ASAP2: variants seen among roughly 807,000 people sequenced by gnomAD.
ASAP2 encodes the protein ArfGAP with SH3 domain, ankyrin repeat and PH domain 2, also known as arf-GAP with SH3 domain, ANK repeat and PH domain-containing protein 2.
A neutral mutation model predicts 131.4 loss-of-function variants in ASAP2; 45 were observed. The observed-to-expected ratio is 0.34, with a 90% CI of 0.27 to 0.44. ASAP2 has a LOEUF of 0.44. ASAP2 is among the 20% of genes least tolerant of loss of function. The pLI is 1.00. For missense variants in ASAP2, 1,011 were observed against 1,297.0 expected (o/e 0.78, Z 3.39); for synonymous variants, 510 against 503.0 (o/e 1.01, Z -0.19).
At chr2:9,220,847 G>C (rs966274185) in intron 1 of ASAP2, among the ~76,000 whole-genome samples, 1 of 152,004 alleles carries the variant, frequency 6.6e-6, no homozygotes. Flanking sequence ...TGTGAGGTAG[G>C]GGTCCAACTT....
Position 9,391,821 on chromosome 2 carries a change from G to A in ASAP2, c.2518+625G>A, listed in dbSNP as rs150888713. On this transcript the variant is annotated intron_variant, in intron 23 of 27. Transcript: ENST00000281419. ...CCTGGTCTCGAACTCCTGACCTCAG[G>A]TGATCCACCTGCCTCAGCCTCCCAG... Among the ~76,000 whole-genome samples the A allele has an allele frequency of 4.8e-3, 731 of 151,644 alleles. 9 individuals carry two copies. The highest frequency in any genetic ancestry group is 0.017 in the African/African-American group (699 of 41,260).
chr2:9,295,151 A>G (rs1463848193), intron 2 of ASAP2, among the ~76,000 whole-genome samples: 1 of 152,252 alleles, frequency 6.6e-6, no homozygotes, highest in Non-Finnish European at 1.5e-5. Context: ...AAATCTAAAA[A>G]TTAGATACTT....
In ASAP2 at chr2:9,281,033, G is replaced by A. The variant is rs1298211384; in HGVS notation, c.199+1644G>A. ...GTTTCAAAGCCACCATGCCTTCAGT[G>A]TGTCTGTCACACGGGTGACATCTTG... is the stretch of plus-strand genomic sequence containing the variant. On this transcript the variant is annotated intron_variant, in intron 2 of 27. Transcript: ENST00000281419. This position sits in a 1 kb window ranked among gnomAD's most constrained non-coding sequence, Gnocchi z 4.0. Among the ~76,000 whole-genome samples, 3 of 152,182 alleles carry A rather than the reference G, an allele frequency of 2.0e-5. No homozygotes were observed. Among genetic ancestry groups the A allele is most frequent in the Non-Finnish European group, 1.5e-5 (1 of 68,040 alleles).
At chr2:9,342,840 C>T (rs553188434) in intron 9 of ASAP2, among the ~76,000 whole-genome samples, 46 of 152,312 alleles carry the variant, frequency 3.0e-4, no homozygotes, top group Admixed American at 9.8e-4. Context: ...ACCACGTGAC[C>T]GTGACCTCCC....
chr2:9,248,204 A>ACCACGGAGG (rs1183032981), intron 1 of ASAP2, among the ~76,000 whole-genome samples: 6 of 152,196 alleles, frequency 3.9e-5, no homozygotes, highest in African/African-American at 1.4e-4. Flanking sequence ...TCCCACGCTA[A>ACCACGGAGG]CCACGGAGGC....
intron 1 of ASAP2, among the ~76,000 whole-genome samples, chr2:9,276,246 C>T (rs1666751599): frequency 6.6e-6 from 1 of 152,152 alleles, no homozygotes; most frequent in Non-Finnish European, 1.5e-5. Flanking sequence ...GTACCTGCCA[C>T]CCTATCGTGG....
At chr2:9,306,890 G>A (rs555895734) in intron 3 of ASAP2, among the ~76,000 whole-genome samples, 1 of 152,220 alleles carries the variant, frequency 6.6e-6, no homozygotes, top group South Asian at 2.1e-4. Flanking sequence ...GGCCCTGGCC[G>A]GACATCCACA....
At chr2:9,254,236 A>AAATATATATATATATAT (rs1553297024) in intron 1 of ASAP2, among the ~76,000 whole-genome samples, 1 of 47,110 alleles carries the variant, frequency 2.1e-5, no homozygotes, top group Non-Finnish European at 3.4e-5. Context: ...AAAAAAAAAA[A>AAATATATATATATATAT]ATATATATAT....
chr2:9,399,948 C>A, intron 24 of ASAP2, 75 bp from the exon 25 acceptor site: 1 of 1,463,746 alleles, frequency 6.8e-7, no homozygotes, highest in South Asian at 1.1e-5. Context: ...TCAGAAGGTT[C>A]TCTGATAAAA....
intron 3 of ASAP2, among the ~76,000 whole-genome samples, chr2:9,302,110 A>C (rs939459704): frequency 4.0e-5 from 5 of 123,634 alleles, no homozygotes; most frequent in Non-Finnish European, 4.9e-5. Context: ...GGCGTGAGCC[A>C]CCGCGCCCGG....
intron 9 of ASAP2, among the ~76,000 whole-genome samples, chr2:9,340,179 C>T (rs140091080): frequency 1.9e-3 from 285 of 152,302 alleles, no homozygotes; most frequent in African/African-American, 6.5e-3. Flanking sequence ...CGCGCCACCA[C>T]GCCTGGCTAA....
At chr2:9,358,935 A>C in intron 15 of ASAP2, 46 bp downstream of exon 15, 1 of 1,566,998 alleles carries the variant, frequency 6.4e-7, no homozygotes, top group Non-Finnish European at 8.7e-7. Flanking sequence ...AATGAGCTGT[A>C]AGCTAAATTT....
rs527786164 is a variant in ASAP2 at position 9,326,203 on chromosome 2, A to T, written c.601-1623A>T. Among the ~76,000 whole-genome samples, 5 of 152,356 alleles carry T rather than the reference A, an allele frequency of 3.3e-5. No individual in the cohort carries two copies. In the South Asian group the frequency reaches 1.0e-3, roughly 32 times the overall value. ...CAAGACCAGCCTGGGCAACATGGTG[A>T]GACCTTGTCTCTACAAAAAAACAAA... On this transcript the variant is annotated intron_variant, in intron 6 of 27. Coordinates refer to ENST00000281419, the MANE Select transcript of ASAP2 (RefSeq NM_003887.3).
At chr2:9,337,051 G>A (rs749040749) in intron 9 of ASAP2, among the ~76,000 whole-genome samples, 10 of 152,242 alleles carry the variant, frequency 6.6e-5, no homozygotes, top group African/African-American at 1.7e-4. Context: ...TTACAGCTTC[G>A]CAGGAAAGTA....
intron 9 of ASAP2, among the ~76,000 whole-genome samples, chr2:9,343,332 G>A (rs978097860): frequency 1.3e-5 from 2 of 152,174 alleles, no homozygotes; most frequent in African/African-American, 4.8e-5. Context: ...GTGAACACTT[G>A]GTTCACATCT....
chr2:9,315,775 G>A (rs971583535), intron 3 of ASAP2, among the ~76,000 whole-genome samples: 4 of 152,128 alleles, frequency 2.6e-5, no homozygotes, highest in Non-Finnish European at 4.4e-5. Flanking sequence ...CTTAAACTGC[G>A]CTTTTCAGCA....
intron 1 of ASAP2, among the ~76,000 whole-genome samples, chr2:9,222,665 T>C (rs1412484459): frequency 6.6e-6 from 1 of 152,202 alleles, no homozygotes; most frequent in African/African-American, 2.4e-5. Flanking sequence ...TCAGAACCCG[T>C]AGCTTTGGTT....
At chr2:9,277,589 G>C (rs1666839499) in intron 1 of ASAP2, among the ~76,000 whole-genome samples, 1 of 152,086 alleles carries the variant, frequency 6.6e-6, no homozygotes, top group South Asian at 2.1e-4. Flanking sequence ...CAACAAAATT[G>C]AATGGAAAAT....
Position 9,207,011 on chromosome 2 carries a change from C to T in ASAP2, c.-94C>T, listed in dbSNP as rs1572155221. 9.2e-7 allele frequency: 1 copy of T among 1,085,982 alleles called. No homozygotes were observed. The highest frequency in any genetic ancestry group is 1.1e-6 in the Non-Finnish European group (1 of 890,768). 67.3% of individuals were successfully genotyped at this position (1,085,982 alleles called of 1,614,324 possible). ...TGTCCGCGGGCCGGAGCGGCGGCGG[C>T]AGCGGCGGTGTCCGAGCGGCGGTCG... On this transcript the variant is annotated 5_prime_UTR_variant, in exon 1 of 28. Coordinates refer to ENST00000281419, the MANE Select transcript of ASAP2 (RefSeq NM_003887.3). This position sits in a 1 kb window ranked among gnomAD's most constrained non-coding sequence, Gnocchi z 4.1.
Sources: allele counts gnomAD v4.1 joint callset (sites outside exome capture counted in the v4.1 genomes callset), GRCh38; gene constraint gnomAD v4.1.1; non-coding constraint Gnocchi (gnomAD v3.1); transcripts MANE v1.5; gene names NCBI Gene and HGNC (gene_info 2026-07-23, HGNC 2026-07-21).